Variants in PNKD observed in about 807,000 individuals in gnomAD.
PNKD encodes probable thioesterase PNKD.
In PNKD, 36 loss-of-function variants were observed where a neutral mutation model predicts 45.3. That is an observed-to-expected ratio of 0.80 (90% CI 0.61 to 1.05). PNKD has a LOEUF of 1.05. PNKD is among the 50% of genes least tolerant of loss of function. PNKD has a pLI of 0.00. For missense variants in PNKD, 511 were observed against 506.6 expected, an observed-to-expected ratio of 1.01 and a Z score of -0.08; for synonymous variants, 197 against 210.1, an observed-to-expected ratio of 0.94 and a Z score of 0.54.
chr2:218,276,677 T>G (rs961657774), intron 2 of PNKD, among the ~76,000 whole-genome samples: 2 of 152,088 alleles, frequency 1.3e-5, no homozygotes, highest in African/African-American at 4.8e-5. Flanking sequence ...GCCCATCATC[T>G]CAGTCCTCTG....
rs1694741879 is a variant in PNKD, at chr2:218,343,529, A to G, written c.811A>G (p.Met271Val). 6.2e-7 allele frequency: 1 copy of G among 1,613,758 alleles called. No homozygotes were observed. Among genetic ancestry groups the G allele is most frequent in the Non-Finnish European group, 8.5e-7 (1 of 1,179,840 alleles). The change falls in exon 8 of 10, where the codon ATG becomes GTG. Residue 271 changes from methionine (M) to valine (V), a missense_variant. By Grantham distance (21) the Met-to-Val change is conservative (BLOSUM62 1). Coordinates refer to ENST00000273077, the MANE Select transcript of PNKD (RefSeq NM_015488.5). ...GRTFEGNAET[M>V]LSSLDTVLGL... ...GACCTTTGAGGGCAATGCAGAGACC[A>G]TGCTGAGCTCACTGGACACTGTGCT...
chr2:218,340,080 T>C lies in PNKD; in HGVS notation c.404T>C (p.Ile135Thr), dbSNP rs1292612483. Reference sequence around the variant, plus strand: ...CTCTCGGACAACTACAGCTACCTCATCATCGACACCCAGGCCCAGCTGGCT... The same window carrying C: ...CTCTCGGACAACTACAGCTACCTCACCATCGACACCCAGGCCCAGCTGGCT... ...PVLSDNYSYL[I>T]IDTQAQLAVA... The change falls in exon 4 of 10, where the codon ATC (isoleucine) becomes ACC (threonine). Residue 135 changes from isoleucine to threonine, a missense_variant. Physicochemically the swap from Ile to Thr is moderately conservative, Grantham distance 89 (BLOSUM62 -1). Coordinates refer to ENST00000273077, the MANE Select transcript of PNKD (RefSeq NM_015488.5). The surrounding 1 kb of genome is among the most constrained non-coding windows in gnomAD (Gnocchi z 4.2). 26 of 1,613,986 alleles carry C rather than the reference T, an allele frequency of 1.6e-5. No homozygotes were observed. The highest frequency in any genetic ancestry group is 2.2e-5 in the Non-Finnish European group (26 of 1,179,926).
rs1013603965 is a variant in PNKD at position 218,288,322 on chromosome 2, G to C, written c.236+16773G>C. Among the ~76,000 whole-genome samples, 6 of 152,168 alleles carry C rather than the reference G, an allele frequency of 3.9e-5. No individual in the cohort carries two copies. In the East Asian group the frequency reaches 9.6e-4, roughly 24 times the overall value. On this transcript the variant is annotated intron_variant, in intron 2 of 9. Coordinates refer to ENST00000273077, the MANE Select transcript of PNKD (RefSeq NM_015488.5). ...CGGACGCCTGTAGTCCCAGCTACTC[G>C]GGAGGCTGAGGCAGAAGAATGGCAT...
chr2:218,340,863 G>A lies in PNKD; in HGVS notation c.524+77G>A, dbSNP rs1161210915. 3.7e-5 allele frequency: 45 copies of A among 1,232,064 alleles called. No homozygotes were observed. The highest frequency in any genetic ancestry group is 9.3e-5 in the East Asian group (4 of 43,168). The allele number at this position is 1,232,064 out of a possible 1,614,324, so 76.3% of individuals were successfully genotyped here. On this transcript the variant is annotated intron_variant, in intron 5 of 9. Transcript: ENST00000273077. The surrounding 1 kb of genome is among the most constrained non-coding windows in gnomAD (Gnocchi z 4.2). ...AGGACTGGGCCCATTGAGGACGGCC[G>A]GGGCCAGAGATCAAGAAGTCAGTAC...
At chr2:218,286,695 T>C (rs1487891939) in intron 2 of PNKD, 1 of 152,284 alleles carries the variant, frequency 6.6e-6, no homozygotes, top group African/African-American at 2.4e-5. Context: ...GGGGCTCTCC[T>C]GGGGGTATTT....
rs115764672 is a variant in PNKD, at chr2:218,332,145, G to A, written c.237-7638G>A. Among the ~76,000 whole-genome samples the A allele has an allele frequency of 6.4e-3, 977 of 152,288 alleles. 6 individuals carry two copies. Among genetic ancestry groups the A allele is most frequent in the South Asian group, 9.5e-3 (46 of 4,826 alleles). On this transcript the variant is annotated intron_variant, in intron 2 of 9. Coordinates refer to ENST00000273077, the MANE Select transcript of PNKD (RefSeq NM_015488.5). ...GGAGCAAGTCTCAGCAAAATGCGGC[G>A]CTTTAGGAACTTCTTTTTGCCAGTG...
intron 2 of PNKD, chr2:218,272,622 G>C: frequency 1.2e-6 from 2 of 1,614,204 alleles, no homozygotes; most frequent in Non-Finnish European, 1.7e-6. Context: ...CAAGCGGGAA[G>C]TGGACAAGGA....
chr2:218,277,688 A>G, intron 2 of PNKD: 4 of 1,614,146 alleles, frequency 2.5e-6, no homozygotes, highest in Non-Finnish European at 1.7e-6. Flanking sequence ...AAGGAGAGAG[A>G]CAAGAATGAA....
chr2:218,284,588 G>T (rs1692349509), intron 2 of PNKD, among the ~76,000 whole-genome samples: 1 of 152,198 alleles, frequency 6.6e-6, no homozygotes, highest in African/African-American at 2.4e-5. Context: ...CAGGCTTTTG[G>T]TTTCAGAAGC....
chr2:218,302,313 A>T (rs1471382756), intron 2 of PNKD, among the ~76,000 whole-genome samples: 1 of 152,080 alleles, frequency 6.6e-6, no homozygotes, highest in Non-Finnish European at 1.5e-5. Flanking sequence ...GCGCCACTGC[A>T]CTCCAGCCTG....
At chr2:218,343,699 G>A (rs1694748332) in intron 8 of PNKD, 113 bp downstream of exon 8, 2 of 779,202 alleles carry the variant, frequency 2.6e-6, no homozygotes, top group Admixed American at 2.0e-5. Context: ...TCCTGGCCCA[G>A]AAGCGACACA....
At position 218,315,016 on chromosome 2, in the gene PNKD, C is replaced by CTTTA. The variant is rs371658171; in HGVS notation, c.237-24764_237-24763insATTT. 4.0e-5 allele frequency among the ~76,000 whole-genome samples: 3 copies of CTTTA among 74,274 alleles called. 1 individual carries two copies. Among genetic ancestry groups the CTTTA allele is most frequent in the Non-Finnish European group, 7.7e-5 (3 of 38,726 alleles). The allele number at this position is 74,274 out of a possible 152,430, so 48.7% of individuals were successfully genotyped here. ...AGGTTTTCTTTCTTTCTTTCTTTTT[C>CTTTA]TTTCTTTCTTTCTTTCTTTCTTTTT... On this transcript the variant is annotated intron_variant, in intron 2 of 9. Coordinates refer to ENST00000273077, the MANE Select transcript of PNKD (RefSeq NM_015488.5).
At chr2:218,271,849 T>C (rs1023914433) in intron 2 of PNKD, among the ~76,000 whole-genome samples, 3 of 152,320 alleles carry the variant, frequency 2.0e-5, no homozygotes, top group Middle Eastern at 6.8e-3. Context: ...AAGTAGTTCG[T>C]TGAGATCATG....
At chr2:218,322,107 A>C (rs996902237) in intron 2 of PNKD, among the ~76,000 whole-genome samples, 2 of 151,554 alleles carry the variant, frequency 1.3e-5, no homozygotes, top group Non-Finnish European at 2.9e-5. Context: ...TTTTTAGTAA[A>C]GACGTGGTTT....
chr2:218,275,961 C>T, intron 2 of PNKD: 2 of 1,551,886 alleles, frequency 1.3e-6, no homozygotes, highest in South Asian at 1.2e-5. Context: ...AAATTCATGC[C>T]CCCTTCCCTA....
chr2:218,334,714 A>G (rs2106287161), intron 2 of PNKD: 2 of 702,938 alleles, frequency 2.8e-6, no homozygotes, highest in Non-Finnish European at 2.6e-6. Flanking sequence ...TGCCCTCCTC[A>G]GTGCATCATA....
rs141925429 is a variant in PNKD at position 218,282,143 on chromosome 2, G to A, written c.236+10594G>A. The A allele has an allele frequency of 4.0e-6, 6 of 1,496,572 alleles. No individual in the cohort carries two copies. The East Asian group carries it at 7.6e-5, about 19-fold the overall frequency. The allele number at this position is 1,496,572 out of a possible 1,614,324, so 92.7% of individuals were successfully genotyped here. ...TGGTGGGGCGCTGGGGTTGGACATG[G>A]CTGCTCACGGGCTGAGGGGGAACCC... On this transcript the variant is annotated intron_variant, in intron 2 of 9. Transcript: ENST00000273077.
intron 2 of PNKD, among the ~76,000 whole-genome samples, chr2:218,322,636 T>A (rs1414082927): frequency 6.6e-6 from 1 of 152,156 alleles, no homozygotes; most frequent in Admixed American, 6.5e-5. Context: ...CATTGCCCCC[T>A]CCTTGACTTC....
intron 5 of PNKD, among the ~76,000 whole-genome samples, chr2:218,341,330 G>T (rs1290530733): frequency 3.9e-5 from 6 of 152,204 alleles, no homozygotes; most frequent in African/African-American, 9.6e-5. Context: ...CAGGAAGCTC[G>T]GCTGGCATTG....
Sources: gnomAD v4.1 joint callset for allele counts (sites outside exome capture counted in the v4.1 genomes callset) on GRCh38, gnomAD v4.1.1 for gene constraint, Gnocchi (gnomAD v3.1) non-coding constraint, MANE v1.5 for transcripts, NCBI Gene and HGNC (gene_info 2026-07-23, HGNC 2026-07-21) for gene names.